Variants in PLXDC2 observed in about 807,000 individuals in gnomAD.
The protein encoded by PLXDC2 is plexin domain containing 2.
PLXDC2 carries 40 observed loss-of-function variants against 68.9 expected under a neutral mutation model. That is an observed-to-expected ratio of 0.58 (90% confidence interval 0.45 to 0.76). The LOEUF (loss-of-function observed/expected upper bound fraction) is 0.76. PLXDC2 is among the 30% of genes least tolerant of loss of function. The pLI is 0.00. For missense variants in PLXDC2, 644 were observed against 661.9 expected, an observed-to-expected ratio of 0.97 and a Z score of 0.30; for synonymous variants, 243 against 234.2, an observed-to-expected ratio of 1.04 and a Z score of -0.34.
chr10:19,885,853 A>G (rs1837836866), intron 1 of PLXDC2, among the ~76,000 whole-genome samples: 1 of 152,042 alleles, frequency 6.6e-6, no homozygotes, highest in African/African-American at 2.4e-5. Flanking sequence ...TTTTGGTTCC[A>G]TATGAACTTT....
chr10:19,831,762 C>A (rs925652340), intron 1 of PLXDC2, among the ~76,000 whole-genome samples: 22 of 152,168 alleles, frequency 1.4e-4, no homozygotes, highest in African/African-American at 5.3e-4. Context: ...TGATCTCATT[C>A]TTTTTTGTGG....
intron 1 of PLXDC2, among the ~76,000 whole-genome samples, chr10:19,988,639 C>A (rs959229400): frequency 6.6e-6 from 1 of 151,994 alleles, no homozygotes; most frequent in Non-Finnish European, 1.5e-5. Flanking sequence ...TTCATATTCT[C>A]ACTGTACAGG....
At chr10:20,053,485 A>G (rs1399104550) in intron 3 of PLXDC2, among the ~76,000 whole-genome samples, 2 of 152,136 alleles carry the variant, frequency 1.3e-5, no homozygotes, top group African/African-American at 4.8e-5. Context: ...CACAGTTTTC[A>G]GTTTGCAAAT....
rs144068528 is a variant in PLXDC2 at position 20,171,861 on chromosome 10, G to C, written c.884-5138G>C. Among the ~76,000 whole-genome samples the C allele has an allele frequency of 9.3e-3, 1,412 of 152,102 alleles. 17 individuals carry two copies. The highest frequency in any genetic ancestry group is 0.03 in the African/African-American group (1,227 of 41,492). On this transcript the variant is annotated intron_variant, in intron 7 of 13. Coordinates refer to ENST00000377252, the MANE Select transcript of PLXDC2 (RefSeq NM_032812.9). ...GCAGTGGCTCGTGCCTGTAATCTCA[G>C]CATTTTGGGAGGCCAAGGTGGGAGG...
chr10:20,220,768 C>A (rs1835199100), intron 12 of PLXDC2, among the ~76,000 whole-genome samples: 1 of 151,652 alleles, frequency 6.6e-6, no homozygotes, highest in Non-Finnish European at 1.5e-5. Context: ...AGAGAACATG[C>A]ATCCTGAGTA....
Position 20,268,051 on chromosome 10 carries a change from A to C in PLXDC2, c.1474-11652A>C, listed in dbSNP as rs12263910. Among the ~76,000 whole-genome samples, 925 of 152,274 alleles carry C rather than the reference A, an allele frequency of 6.1e-3. 6 individuals are homozygous for C. The highest frequency in any genetic ancestry group is 0.02 in the African/African-American group (844 of 41,550). ...AGCCCTAAGTAAGGAATGATTAAAC[A>C]CTGTTATTAGTCAGTTATAACATTG... On this transcript the variant is annotated intron_variant, in intron 13 of 13. Transcript: ENST00000377252.
intron 5 of PLXDC2, among the ~76,000 whole-genome samples, chr10:20,143,963 A>G: frequency 6.6e-6 from 1 of 151,756 alleles, no homozygotes. Context: ...ACCAAGAGCA[A>G]TGTATCCCTG....
intron 1 of PLXDC2, among the ~76,000 whole-genome samples, chr10:19,898,752 A>G (rs1328760798): frequency 3.3e-5 from 5 of 152,210 alleles, no homozygotes; most frequent in Non-Finnish European, 7.3e-5. Context: ...CTCCTTGCCC[A>G]TAGACGTGTT....
intron 2 of PLXDC2, among the ~76,000 whole-genome samples, chr10:20,019,981 A>T (rs959381191): frequency 1.3e-5 from 2 of 151,992 alleles, no homozygotes; most frequent in African/African-American, 2.4e-5. Flanking sequence ...GGTACTTTTT[A>T]AAAAAGAAAA....
chr10:19,980,897 T>G (rs1834540784), intron 1 of PLXDC2, among the ~76,000 whole-genome samples: 1 of 152,238 alleles, frequency 6.6e-6, no homozygotes, highest in African/African-American at 2.4e-5. Context: ...CATCTGGTTT[T>G]ATAACTTTTG....
intron 12 of PLXDC2, among the ~76,000 whole-genome samples, chr10:20,230,640 C>G (rs942751060): frequency 2.4e-5 from 3 of 126,212 alleles, no homozygotes; most frequent in East Asian, 4.6e-4. Flanking sequence ...CCAGTTCACA[C>G]CATGGTGAGC....
chr10:20,120,623 A>G (rs1308462111), intron 4 of PLXDC2, among the ~76,000 whole-genome samples: 3 of 152,114 alleles, frequency 2.0e-5, no homozygotes, highest in African/African-American at 4.8e-5. Flanking sequence ...GAAAGTGTCT[A>G]CCTAGACTAC....
chr10:20,286,088 A>G lies in PLXDC2; in HGVS notation c.*6269A>G, dbSNP rs978562437. On this transcript the variant is annotated 3_prime_UTR_variant, in exon 14 of 14. Transcript: ENST00000377252. Reference sequence around the variant, plus strand: ...ACATAATTTCTGGAGTCAGTTTTTCATAACAAGTTTATGGAATACATCATC... The same window carrying G: ...ACATAATTTCTGGAGTCAGTTTTTCGTAACAAGTTTATGGAATACATCATC... 2.6e-5 allele frequency: 4 copies of G among 152,214 alleles called. No homozygotes were observed. The East Asian group carries it at 7.7e-4, about 29-fold the overall frequency. The allele number at this position is 152,214 out of a possible 1,614,324, so 9.4% of individuals were successfully genotyped here.
At chr10:20,194,364 A>G (rs1834809661) in intron 9 of PLXDC2, among the ~76,000 whole-genome samples, 1 of 152,036 alleles carries the variant, frequency 6.6e-6, no homozygotes, top group Admixed American at 6.6e-5. Flanking sequence ...ATCATCCTTA[A>G]GAGTTCAGAT....
At chr10:20,085,317 C>T (rs1397610944) in intron 4 of PLXDC2, among the ~76,000 whole-genome samples, 5 of 152,126 alleles carry the variant, frequency 3.3e-5, no homozygotes, top group African/African-American at 7.2e-5. Context: ...GAATGCATCG[C>T]AGACGCTGCC....
intron 1 of PLXDC2, among the ~76,000 whole-genome samples, chr10:19,860,676 A>G (rs1322704310): frequency 6.6e-6 from 1 of 152,212 alleles, no homozygotes; most frequent in Non-Finnish European, 1.5e-5. Context: ...CCCAGGGCCC[A>G]GCACCACCTG....
At chr10:19,841,682 C>T (rs776741328) in intron 1 of PLXDC2, among the ~76,000 whole-genome samples, 1 of 151,900 alleles carries the variant, frequency 6.6e-6, no homozygotes, top group Non-Finnish European at 1.5e-5. Context: ...ATAAGAACCT[C>T]TACCTCATTC....
chr10:20,001,843 T>C lies in PLXDC2; in HGVS notation c.181T>C (p.Tyr61His), dbSNP rs1464671664. 3 of 1,614,034 alleles carry C rather than the reference T, an allele frequency of 1.9e-6. No homozygotes were observed. The highest frequency in any genetic ancestry group is 2.5e-6 in the Non-Finnish European group (3 of 1,179,986). Residue 61 changes from tyrosine to histidine, a missense_variant, in exon 2 of 14, where the codon TAC (tyrosine) becomes CAC (histidine). Tyr to His is a moderately conservative substitution (Grantham distance 83, BLOSUM62 2). Around this residue, in one of 3 missense-constraint regions of PLXDC2, gnomAD observed 201 missense variants for 166.9 expected, o/e 1.20. Coordinates refer to ENST00000377252, the MANE Select transcript of PLXDC2 (RefSeq NM_032812.9). ...GGAGGTGGAAGTTGATTCACACGCG[T>C]ACAGCCACAGGTGGAAAAGAAACTT... ...EEEVEVDSHA[Y>H]SHRWKRNLDF...
chr10:20,235,631 T>C (rs1342207195), intron 12 of PLXDC2, among the ~76,000 whole-genome samples: 2 of 152,154 alleles, frequency 1.3e-5, no homozygotes, highest in Non-Finnish European at 2.9e-5. Context: ...TCTGGTGTTA[T>C]TCTTTGAAGC....
Sources: gnomAD v4.1 joint callset for allele counts (sites outside exome capture counted in the v4.1 genomes callset) on GRCh38, gnomAD v4.1.1 for gene constraint, gnomAD v4.1.1 regional missense constraint, MANE v1.5 for transcripts, NCBI Gene and HGNC (gene_info 2026-07-23, HGNC 2026-07-21) for gene names.